Variants in SLC7A5 observed in about 807,000 individuals in gnomAD.
SLC7A5 encodes solute carrier family 7 member 5.
A neutral mutation model predicts 50.2 loss-of-function variants in SLC7A5; 23 were observed. The ratio of observed to expected loss-of-function variants is 0.46; its 90% CI spans 0.33 to 0.65. SLC7A5 has a LOEUF of 0.65. Ranked by LOEUF, SLC7A5 falls within the 30% of genes least tolerant of loss-of-function variation. The probability of loss-of-function intolerance (pLI) is 0.02; values close to 1 mark genes in which losing one functional copy is unlikely to be tolerated. For missense variants in SLC7A5, 578 were observed against 684.4 expected (o/e 0.84, Z 1.73); for synonymous variants, 393 against 330.6 (o/e 1.19, Z -2.05).
In SLC7A5 at chr16:87,862,992, C is replaced by T. The variant is rs573910338; in HGVS notation, c.538+5893G>A. 1.2e-4 allele frequency among the ~76,000 whole-genome samples: 18 copies of T among 152,346 alleles called. No individual in the cohort carries two copies. The highest frequency in any genetic ancestry group is 5.2e-4 in the Admixed American group (8 of 15,308). On this transcript the variant is annotated intron_variant, in intron 1 of 9. Coordinates refer to ENST00000261622, the MANE Select transcript of SLC7A5 (RefSeq NM_003486.7). This position sits in a 1 kb window ranked among gnomAD's most constrained non-coding sequence, Gnocchi z 5.3. ...CGCAGCCAGAGTCCCGCGAGACCGA[C>T]GGACGGCCTGCCCCTGCGTGACGGC...
chr16:87,836,825 A>G, intron 7 of SLC7A5, 178 bp from the exon 8 acceptor site: 1 of 507,992 alleles, frequency 2.0e-6, no homozygotes, highest in African/African-American at 2.0e-5. Flanking sequence ...GAAAGGAGGG[A>G]AGGAGGGAGG....
At chr16:87,844,906 G>A (rs1210312438) in intron 2 of SLC7A5, among the ~76,000 whole-genome samples, 2 of 152,270 alleles carry the variant, frequency 1.3e-5, no homozygotes, top group African/African-American at 4.8e-5. Context: ...GGTCTCCGCA[G>A]GTGCAATTAG....
chr16:87,838,592 C>A, intron 6 of SLC7A5, 122 bp downstream of exon 6: 1 of 802,624 alleles, frequency 1.2e-6, no homozygotes. Context: ...CATGCCTGGC[C>A]TATTTGAGCA....
At chr16:87,866,953 A>G (rs2055469783) in intron 1 of SLC7A5, among the ~76,000 whole-genome samples, 1 of 150,212 alleles carries the variant, frequency 6.7e-6, no homozygotes, top group South Asian at 2.1e-4. Context: ...TTTTTTTTTG[A>G]GACAGGCTTG....
chr16:87,848,540 G>C (rs1367102108), intron 2 of SLC7A5, among the ~76,000 whole-genome samples: 1 of 152,190 alleles, frequency 6.6e-6, no homozygotes, highest in Non-Finnish European at 1.5e-5. Context: ...TGACACCTAA[G>C]CCTGCGTGTC....
At chr16:87,864,360 A>G (rs1343400251) in intron 1 of SLC7A5, among the ~76,000 whole-genome samples, 1 of 152,210 alleles carries the variant, frequency 6.6e-6, no homozygotes, top group Non-Finnish European at 1.5e-5. Context: ...TCACTGCTCC[A>G]GGAGCAATGT....
chr16:87,849,997 T>C (rs1441215867), intron 2 of SLC7A5, among the ~76,000 whole-genome samples: 1 of 152,228 alleles, frequency 6.6e-6, no homozygotes, highest in Non-Finnish European at 1.5e-5. Flanking sequence ...AAAGACAGTC[T>C]GGCCCCAGCC....
At position 87,869,445 on chromosome 16, in the gene SLC7A5, G is replaced by A. The variant is rs1272472605; in HGVS notation, c.-23C>T. On this transcript the variant is annotated 5_prime_UTR_variant, in exon 1 of 10. Transcript: ENST00000261622. ...CATGCTCTGCGCACCGGCCGGGCCT[G>A]GGACACCCGGGAGCCGCGGCCCAGC... The A allele has an allele frequency of 2.9e-6, 4 of 1,387,262 alleles. No homozygotes were observed. The highest frequency in any genetic ancestry group is 1.6e-5 in the South Asian group (1 of 61,022). 85.9% of individuals were successfully genotyped at this position (1,387,262 alleles called of 1,614,324 possible).
chr16:87,838,897 C>T (rs531664631), intron 5 of SLC7A5, 80 bp from the exon 6 acceptor site: 19 of 1,023,778 alleles, frequency 1.9e-5, no homozygotes, highest in East Asian at 9.6e-5. Flanking sequence ...CCCTCTGCAC[C>T]GGGCCAGCCC....
At position 87,869,454 on chromosome 16, in the gene SLC7A5, G is replaced by T; in HGVS notation, c.-32C>A. On this transcript the variant is annotated 5_prime_UTR_variant, in exon 1 of 10. Coordinates refer to ENST00000261622, the MANE Select transcript of SLC7A5 (RefSeq NM_003486.7). ...CGCACCGGCCGGGCCTGGGACACCC[G>T]GGAGCCGCGGCCCAGCGAGCAGTGT... 1.5e-6 allele frequency: 2 copies of T among 1,348,486 alleles called. No individual in the cohort carries two copies. Among genetic ancestry groups the T allele is most frequent in the Non-Finnish European group, 1.9e-6 (2 of 1,058,480 alleles). 83.5% of individuals were successfully genotyped at this position (1,348,486 alleles called of 1,614,324 possible).
At chr16:87,858,047 G>A (rs1319415662) in intron 1 of SLC7A5, among the ~76,000 whole-genome samples, 5 of 152,260 alleles carry the variant, frequency 3.3e-5, no homozygotes, top group South Asian at 4.1e-4. Context: ...TGACACAAGC[G>A]TCCTGGTGGA....
chr16:87,853,908 ACGTCTGCGGCTGT>A lies in SLC7A5; in HGVS notation c.539-2072_539-2060del. On this transcript the variant is annotated intron_variant, in intron 1 of 9. Coordinates refer to ENST00000261622, the MANE Select transcript of SLC7A5 (RefSeq NM_003486.7). The surrounding 1 kb of genome is among the most constrained non-coding windows in gnomAD (Gnocchi z 4.4). ...ACTGAGCACTGCCCTCGCGGCTGTC[ACGTCTGCGGCTGT>A]CACGTCTGCTAGGGGGTTGGGGGGT... 9.2e-6 allele frequency: 1 copy of A among 109,254 alleles called. No homozygotes were observed. The highest frequency in any genetic ancestry group is 2.3e-5 in the Non-Finnish European group (1 of 44,264). 6.8% of individuals were successfully genotyped at this position (109,254 alleles called of 1,614,324 possible). A position where few individuals can be genotyped will look rare whatever the true frequency, so the allele number is the denominator to read the frequency against.
chr16:87,858,637 C>G (rs1182622317), intron 1 of SLC7A5, among the ~76,000 whole-genome samples: 4 of 152,288 alleles, frequency 2.6e-5, no homozygotes, highest in Admixed American at 6.5e-5. Context: ...AAAGTGAGGA[C>G]ATCCAGGTCT....
At position 87,861,137 on chromosome 16, in the gene SLC7A5, G is replaced by A. The variant is rs1263237348; in HGVS notation, c.538+7748C>T. On this transcript the variant is annotated intron_variant, in intron 1 of 9. Coordinates refer to ENST00000261622, the MANE Select transcript of SLC7A5 (RefSeq NM_003486.7). The surrounding 1 kb of genome is among the most constrained non-coding windows in gnomAD (Gnocchi z 4.2). Reference sequence around the variant, plus strand: ...ACACGTGTCCTGTCCCTGCAGACGGGCCAGGCAAGGCCTGCCCATGGCCAG... The same window carrying A: ...ACACGTGTCCTGTCCCTGCAGACGGACCAGGCAAGGCCTGCCCATGGCCAG... Among the ~76,000 whole-genome samples the A allele has an allele frequency of 1.3e-5, 2 of 152,232 alleles. No individual in the cohort carries two copies. Among genetic ancestry groups the A allele is most frequent in the Admixed American group, 6.5e-5 (1 of 15,284 alleles).
rs1426433264 is a variant in SLC7A5, at chr16:87,852,067, G to A, written c.539-218C>T. ...GCAGTCCTTTCAGGTCTAAGGGCTG[G>A]ATCCCAGGTGCCCCTTAAGATCTGC... On this transcript the variant is annotated intron_variant, in intron 1 of 9. Coordinates refer to ENST00000261622, the MANE Select transcript of SLC7A5 (RefSeq NM_003486.7). This position sits in a 1 kb window ranked among gnomAD's most constrained non-coding sequence, Gnocchi z 4.5. Among the ~76,000 whole-genome samples, 2 of 152,144 alleles carry A rather than the reference G, an allele frequency of 1.3e-5. No individual in the cohort carries two copies. Among genetic ancestry groups the A allele is most frequent in the Non-Finnish European group, 2.9e-5 (2 of 68,024 alleles).
intron 2 of SLC7A5, among the ~76,000 whole-genome samples, chr16:87,844,586 C>T (rs1387327896): frequency 2.0e-5 from 3 of 152,264 alleles, no homozygotes; most frequent in South Asian, 4.1e-4. Flanking sequence ...GCCTCTGGCT[C>T]CTGACTCAGA....
intron 2 of SLC7A5, among the ~76,000 whole-genome samples, chr16:87,847,386 C>G (rs563354593): frequency 6.6e-6 from 1 of 152,326 alleles, no homozygotes; most frequent in East Asian, 1.9e-4. Context: ...CGCACACCCC[C>G]AGCCAGATGA....
intron 1 of SLC7A5, among the ~76,000 whole-genome samples, chr16:87,856,662 G>A (rs552877538): frequency 1.4e-4 from 21 of 152,336 alleles, no homozygotes; most frequent in African/African-American, 5.1e-4. Flanking sequence ...CACTCGGTAC[G>A]CACAGGGCCC....
intron 1 of SLC7A5, among the ~76,000 whole-genome samples, chr16:87,868,506 G>A (rs1567504794): frequency 1.3e-5 from 2 of 152,192 alleles, no homozygotes; most frequent in Non-Finnish European, 2.9e-5. Flanking sequence ...AGCAATCGGA[G>A]CTCTAACAGT....
Sources: gnomAD v4.1 joint callset for allele counts (sites outside exome capture counted in the v4.1 genomes callset) on GRCh38, gnomAD v4.1.1 for gene constraint, Gnocchi (gnomAD v3.1) non-coding constraint, MANE v1.5 for transcripts, NCBI Gene and HGNC (gene_info 2026-07-23, HGNC 2026-07-21) for gene names.